The following WWOX variants were observed in gnomAD, a reference collection of about 807,000 sequenced individuals.
WWOX encodes WW domain-containing oxidoreductase.
In WWOX, 69 loss-of-function variants were observed where a neutral mutation model predicts 46.2. The ratio of observed to expected loss-of-function variants is 1.49; its 90% CI spans 1.23 to 1.82. The LOEUF is 1.82. WWOX is among the 40% of genes most tolerant of loss of function. The pLI, the probability that WWOX is intolerant of heterozygous loss-of-function variation, is 0.00. For missense variants in WWOX, 919 were observed against 542.6 expected (o/e 1.69, Z -6.89); for synonymous variants, 359 against 202.6 (o/e 1.77, Z -6.56).
chr16:78,906,222 G>A (rs73581228), intron 8 of WWOX, among the ~76,000 whole-genome samples: 3 of 152,166 alleles, frequency 2.0e-5, no homozygotes, highest in Admixed American at 6.5e-5. Context: ...ATCTCCCTGG[G>A]CCTTGAGATA....
intron 8 of WWOX, among the ~76,000 whole-genome samples, chr16:79,020,036 G>C (rs1227704822): frequency 6.6e-6 from 1 of 152,202 alleles, no homozygotes; most frequent in Non-Finnish European, 1.5e-5. Flanking sequence ...TATCTGACAT[G>C]TGGCAATAAC....
At chr16:78,988,245 G>C (rs967764779) in intron 8 of WWOX, among the ~76,000 whole-genome samples, 1 of 151,754 alleles carries the variant, frequency 6.6e-6, no homozygotes, top group Non-Finnish European at 1.5e-5. Context: ...TCGGGAGGCT[G>C]AGGCTGGAGA....
chr16:78,325,903 C>G (rs1253326189), intron 5 of WWOX, among the ~76,000 whole-genome samples: 1 of 152,228 alleles, frequency 6.6e-6, no homozygotes, highest in South Asian at 2.1e-4. Flanking sequence ...AAATTAAAGG[C>G]TATGAAATGA....
intron 8 of WWOX, among the ~76,000 whole-genome samples, chr16:78,837,071 T>C (rs893731270): frequency 1.3e-5 from 2 of 151,706 alleles, no homozygotes; most frequent in African/African-American, 4.9e-5. Flanking sequence ...AGTTCCAGAA[T>C]TGCAGATGGC....
chr16:79,079,925 C>G (rs1400281027), intron 8 of WWOX, among the ~76,000 whole-genome samples: 2 of 146,964 alleles, frequency 1.4e-5, no homozygotes, highest in African/African-American at 5.2e-5. Flanking sequence ...GATCCTCAAG[C>G]TGTTCCTTCC....
chr16:78,107,726 T>A (rs754805052), intron 1 of WWOX, among the ~76,000 whole-genome samples: 4 of 152,106 alleles, frequency 2.6e-5, no homozygotes, highest in Non-Finnish European at 5.9e-5. Flanking sequence ...TCCCAGCCAC[T>A]CAAGAGGCTG....
intron 8 of WWOX, among the ~76,000 whole-genome samples, chr16:79,162,893 T>G (rs982653378): frequency 1.3e-5 from 2 of 152,230 alleles, no homozygotes; most frequent in Non-Finnish European, 2.9e-5. Context: ...CTCTGCCTCC[T>G]GTTGCTCTGT....
chr16:78,244,370 C>T (rs931304941), intron 5 of WWOX, among the ~76,000 whole-genome samples: 1 of 109,072 alleles, frequency 9.2e-6, no homozygotes. Flanking sequence ...ATTTAAACCT[C>T]CTTGCAATCT....
At chr16:78,480,721 C>G (rs1455390556) in intron 8 of WWOX, among the ~76,000 whole-genome samples, 1 of 152,242 alleles carries the variant, frequency 6.6e-6, no homozygotes, top group Non-Finnish European at 1.5e-5. Flanking sequence ...GTATGCAGTA[C>G]ATTCCAAAGT....
At position 78,155,110 on chromosome 16, in the gene WWOX, C is replaced by A. The variant is rs182970682; in HGVS notation, c.410-9073C>A. 1.3e-4 allele frequency among the ~76,000 whole-genome samples: 20 copies of A among 151,986 alleles called. No individual in the cohort carries two copies. In the East Asian group the frequency reaches 3.7e-3, roughly 28 times the overall value. ...AGAAGCTACACATCTAGCTTTTGGACCTGTGATCTCCCCAATGTTTTAATG... is the reference window on the plus strand; with the variant it reads ...AGAAGCTACACATCTAGCTTTTGGAACTGTGATCTCCCCAATGTTTTAATG... On this transcript the variant is annotated intron_variant, in intron 4 of 8. Coordinates refer to ENST00000566780, the MANE Select transcript of WWOX (RefSeq NM_016373.4).
chr16:78,341,681 G>C lies in WWOX; in HGVS notation c.517-45179G>C, dbSNP rs1393038503. Among the ~76,000 whole-genome samples the C allele has an allele frequency of 3.3e-5, 4 of 120,166 alleles. 1 individual carries two copies. The highest frequency in any genetic ancestry group is 8.5e-5 in the African/African-American group (3 of 35,410). The allele number at this position is 120,166 out of a possible 152,430, so 78.8% of individuals were successfully genotyped here. A position where few individuals can be genotyped will look rare whatever the true frequency, so the allele number is the denominator to read the frequency against. On this transcript the variant is annotated intron_variant, in intron 5 of 8. Coordinates refer to ENST00000566780, the MANE Select transcript of WWOX (RefSeq NM_016373.4). Reference sequence around the variant, plus strand: ...GAAACCTCCTGGGAAAGGTGAGCAAGAGCACACAGGTGAGACATAGCATCG... The same window carrying C: ...GAAACCTCCTGGGAAAGGTGAGCAACAGCACACAGGTGAGACATAGCATCG...
chr16:78,127,281 A>G (rs540895574), intron 4 of WWOX, among the ~76,000 whole-genome samples: 1 of 152,218 alleles, frequency 6.6e-6, no homozygotes, highest in East Asian at 1.9e-4. Context: ...ACGTGTAGCC[A>G]TTTCTGGAAT....
intron 8 of WWOX, among the ~76,000 whole-genome samples, chr16:79,068,337 G>C (rs1324415901): frequency 1.3e-5 from 2 of 152,178 alleles, no homozygotes; most frequent in Non-Finnish European, 2.9e-5. Context: ...GTCCCATTGT[G>C]TTATGTGTCT....
chr16:78,793,746 C>T (rs1406817394), intron 8 of WWOX, among the ~76,000 whole-genome samples: 17 of 152,016 alleles, frequency 1.1e-4, no homozygotes, highest in Non-Finnish European at 5.9e-5. Flanking sequence ...TAAACATTGC[C>T]TAGAAGGGTT....
At chr16:78,830,874 C>G (rs1305494479) in intron 8 of WWOX, among the ~76,000 whole-genome samples, 1 of 152,074 alleles carries the variant, frequency 6.6e-6, no homozygotes, top group Non-Finnish European at 1.5e-5. Context: ...CAGCCCCATC[C>G]TTACCCTCTA....
chr16:78,185,380 C>G (rs1486808099), intron 5 of WWOX, among the ~76,000 whole-genome samples: 6 of 152,122 alleles, frequency 3.9e-5, no homozygotes, highest in Non-Finnish European at 7.3e-5. Context: ...TGTCTTCATT[C>G]GAAGATGATC....
chr16:79,051,908 C>G (rs1284289073), intron 8 of WWOX, among the ~76,000 whole-genome samples: 1 of 152,232 alleles, frequency 6.6e-6, no homozygotes, highest in East Asian at 1.9e-4. Flanking sequence ...CTGGTCCAAG[C>G]AAGCATTAGG....
At chr16:78,832,958 C>G (rs952806657) in intron 8 of WWOX, among the ~76,000 whole-genome samples, 12 of 151,552 alleles carry the variant, frequency 7.9e-5, no homozygotes, top group African/African-American at 2.7e-4. Flanking sequence ...GGACAATGTG[C>G]TATGTCCCCA....
chr16:78,912,991 A>G (rs963762020), intron 8 of WWOX, among the ~76,000 whole-genome samples: 27 of 151,986 alleles, frequency 1.8e-4, no homozygotes, highest in African/African-American at 6.0e-4. Context: ...TCCCAGAAGG[A>G]TGATTAGCCT....
Sources: allele counts gnomAD v4.1 joint callset (sites outside exome capture counted in the v4.1 genomes callset), GRCh38; gene constraint gnomAD v4.1.1; transcripts MANE v1.5; gene names NCBI Gene and HGNC (gene_info 2026-07-23, HGNC 2026-07-21).